Variants in MTUS1 observed in about 807,000 individuals in gnomAD.
MTUS1 encodes microtubule-associated tumor suppressor 1.
A neutral mutation model predicts 120.8 loss-of-function variants in MTUS1; 109 were observed. That is an observed-to-expected ratio of 0.90 (90% confidence interval 0.77 to 1.06). The LOEUF is 1.06. Among genes scored for constraint, MTUS1 ranks in the 50% least tolerant of loss-of-function variants. The probability of loss-of-function intolerance (pLI) is 0.00; values close to 1 mark genes in which losing one functional copy is unlikely to be tolerated. For synonymous variants in MTUS1, 737 were observed against 550.5 expected (o/e 1.34, Z -4.74); for missense variants, 2,210 against 1,486.3 (o/e 1.49, Z -8.01).
intron 1 of MTUS1, among the ~76,000 whole-genome samples, chr8:17,763,749 CCTCTT>C (rs2049236239): frequency 6.6e-6 from 1 of 152,168 alleles, no homozygotes; most frequent in Admixed American, 6.5e-5. Context: ...TAACTCATCT[CCTCTT>C]CTTTCTAGCA....
chr8:17,755,033 C>T lies in MTUS1; in HGVS notation c.775G>A (p.Asp259Asn). ...GAACATGCACACTGATTTCCAATATCTGAAACAAAAACCTCACTTTGCATC... is the reference window on the plus strand; with the variant it reads ...GAACATGCACACTGATTTCCAATATTTGAAACAAAAACCTCACTTTGCATC... ...VVMQSEVFVSDIGNQCACSSG... is the reference protein window; with the variant it reads ...VVMQSEVFVSNIGNQCACSSG... Residue 259 changes from aspartate (D) to asparagine (N), a missense_variant, in exon 2 of 15, where the codon GAT (aspartate) becomes AAT (asparagine). By Grantham distance (23) the Asp-to-Asn change is conservative (BLOSUM62 1). Coordinates refer to ENST00000693296, the MANE Select transcript of MTUS1 (RefSeq NM_001363059.2). The T allele has an allele frequency of 6.2e-7, 1 of 1,613,942 alleles. No homozygotes were observed.
At chr8:17,673,864 T>C (rs1054875763) in intron 8 of MTUS1, among the ~76,000 whole-genome samples, 1 of 152,090 alleles carries the variant, frequency 6.6e-6, no homozygotes, top group Non-Finnish European at 1.5e-5. Context: ...TGTGGTCTTG[T>C]CCAAAAGAAA....
At chr8:17,661,193 C>T (rs10093738) in intron 8 of MTUS1, among the ~76,000 whole-genome samples, 2,087 of 152,222 alleles carry the variant, frequency 0.014, 52 homozygotes, top group African/African-American at 0.047. Context: ...GTGTGAATCT[C>T]GTATTAGAAC....
chr8:17,748,325 G>A (rs2047925270), intron 2 of MTUS1: 1 of 152,166 alleles, frequency 6.6e-6, no homozygotes, highest in Non-Finnish European at 1.5e-5. Flanking sequence ...TACCCTCTCT[G>A]CTGAGAGCCA....
chr8:17,707,850 G>T (rs1820473631), intron 6 of MTUS1, among the ~76,000 whole-genome samples: 2 of 152,138 alleles, frequency 1.3e-5, no homozygotes, highest in Non-Finnish European at 2.9e-5. Flanking sequence ...TTTTAACAAA[G>T]GTGCCAAGGC....
chr8:17,718,224 T>C (rs1344949664), intron 4 of MTUS1, among the ~76,000 whole-genome samples: 3 of 152,230 alleles, frequency 2.0e-5, no homozygotes, highest in Non-Finnish European at 2.9e-5. Context: ...GTTCCTAACA[T>C]GGCAACTGAC....
At chr8:17,758,942 C>T (rs1471329590) in intron 1 of MTUS1, among the ~76,000 whole-genome samples, 4 of 152,156 alleles carry the variant, frequency 2.6e-5, no homozygotes, top group African/African-American at 4.8e-5. Flanking sequence ...AGTGCAGTGG[C>T]GCGATCTCGG....
At chr8:17,662,934 A>G (rs1810080981) in intron 8 of MTUS1, among the ~76,000 whole-genome samples, 1 of 152,118 alleles carries the variant, frequency 6.6e-6, no homozygotes, top group African/African-American at 2.4e-5. Flanking sequence ...ATGTACAAAA[A>G]CATCTCTAAA....
At chr8:17,673,776 G>C (rs34646323) in intron 8 of MTUS1, among the ~76,000 whole-genome samples, 5 of 151,760 alleles carry the variant, frequency 3.3e-5, no homozygotes, top group South Asian at 2.1e-4. Context: ...TTGACCCCAC[G>C]TTCACTGCCG....
chr8:17,758,746 G>C (rs941422046), intron 1 of MTUS1, among the ~76,000 whole-genome samples: 1 of 152,082 alleles, frequency 6.6e-6, no homozygotes, highest in Admixed American at 6.6e-5. Context: ...CATAGATCGT[G>C]GGAACTGTCT....
intron 6 of MTUS1, among the ~76,000 whole-genome samples, chr8:17,709,661 A>G (rs1820877026): frequency 6.6e-6 from 1 of 152,108 alleles, no homozygotes; most frequent in Non-Finnish European, 1.5e-5. Flanking sequence ...TATAAAACTT[A>G]TATTAACACT....
intron 8 of MTUS1, among the ~76,000 whole-genome samples, chr8:17,672,095 G>A (rs918768677): frequency 1.3e-5 from 2 of 152,230 alleles, no homozygotes; most frequent in East Asian, 1.9e-4. Context: ...ATACTCTGAT[G>A]AGGTCTCATT....
At chr8:17,742,586 T>C (rs1224591899) in intron 3 of MTUS1, among the ~76,000 whole-genome samples, 2 of 152,068 alleles carry the variant, frequency 1.3e-5, no homozygotes, top group Non-Finnish European at 2.9e-5. Flanking sequence ...GATGGAGCCA[T>C]GTGCTGCAAA....
chr8:17,772,761 A>G (rs958522749), intron 1 of MTUS1, among the ~76,000 whole-genome samples: 2 of 152,218 alleles, frequency 1.3e-5, no homozygotes, highest in African/African-American at 4.8e-5. Context: ...ATCACTTTGT[A>G]AACAGCCAGA....
intron 6 of MTUS1, 42 bp downstream of exon 6, chr8:17,713,172 A>C: frequency 6.7e-7 from 1 of 1,490,086 alleles, no homozygotes. Context: ...ATAACTTTAC[A>C]AAAAGATTCT....
At chr8:17,785,934 C>G (rs547151514) in intron 1 of MTUS1, among the ~76,000 whole-genome samples, 1 of 152,168 alleles carries the variant, frequency 6.6e-6, no homozygotes, top group Non-Finnish European at 1.5e-5. Context: ...CTATTGAACC[C>G]AGTTCAAGAC....
Position 17,656,045 on chromosome 8 carries a change from C to T in MTUS1, c.2926G>A (p.Glu976Lys). Residue 976 changes from glutamate (E) to lysine (K), a missense_variant, in exon 9 of 15, where the codon GAG (glutamate) becomes AAG (lysine). Transcript: ENST00000693296. Reference sequence around the variant, plus strand: ...TCATTCCTGGCTTTTTCTAATTTCTCACAGGTGGTTGAAGCAGTGACTGAA... The same window carrying T: ...TCATTCCTGGCTTTTTCTAATTTCTTACAGGTGGTTGAAGCAGTGACTGAA... The part of the protein sequence containing the change: ...GELVTASTTC[E>K]KLEKARNELQ... 6.2e-7 allele frequency: 1 copy of T among 1,614,154 alleles called. No homozygotes were observed. Among genetic ancestry groups the T allele is most frequent in the Non-Finnish European group, 8.5e-7 (1 of 1,180,044 alleles).
chr8:17,675,292 G>T, intron 7 of MTUS1, 40 bp from the exon 8 acceptor site: 1 of 1,595,830 alleles, frequency 6.3e-7, no homozygotes, highest in Non-Finnish European at 8.6e-7. Context: ...GCTTTCAAGA[G>T]GGTCCCTTTC....
At chr8:17,767,750 G>T (rs1055069214) in intron 1 of MTUS1, among the ~76,000 whole-genome samples, 1 of 145,770 alleles carries the variant, frequency 6.9e-6, no homozygotes, top group African/African-American at 2.5e-5. Flanking sequence ...GCAGCAAGAT[G>T]CTCCAAGTTT....
Sources: gnomAD v4.1 joint callset for allele counts (sites outside exome capture counted in the v4.1 genomes callset) on GRCh38, gnomAD v4.1.1 for gene constraint, MANE v1.5 for transcripts, NCBI Gene and HGNC (gene_info 2026-07-23, HGNC 2026-07-21) for gene names.